Variants in PITPNM2 observed in about 807,000 individuals in gnomAD.
PITPNM2 encodes the protein phosphatidylinositol transfer protein membrane associated 2, also known as membrane-associated phosphatidylinositol transfer protein 2.
Under a neutral mutation model 132.2 loss-of-function variants are expected in PITPNM2, and 35 were observed. That is an observed-to-expected ratio of 0.26 (90% confidence interval 0.20 to 0.35). The LOEUF is 0.35. Among genes scored for constraint, PITPNM2 ranks in the 10% least tolerant of loss-of-function variants. The pLI is 1.00. For missense variants in PITPNM2, 1,332 were observed against 1,912.0 expected (o/e 0.70, Z 5.66); for synonymous variants, 738 against 799.2 (o/e 0.92, Z 1.29).
intron 2 of PITPNM2, among the ~76,000 whole-genome samples, chr12:123,071,279 G>A (rs2041614342): frequency 6.6e-6 from 1 of 152,226 alleles, no homozygotes; most frequent in Admixed American, 6.5e-5. Context: ...TGGGTCCAGG[G>A]GAGGCCCCTC....
At position 123,125,865 on chromosome 12, in the gene PITPNM2, T is replaced by C. The variant is rs1260880373; in HGVS notation, c.-199-15377A>G. On this transcript the variant is annotated intron_variant, in intron 1 of 25. Transcript: ENST00000320201. ...TCAAAAAAAAAAAAAAAAATTAGGG[T>C]TTTTTTTTTTTTTTTTTTTTTTGAG... 3.5e-3 allele frequency among the ~76,000 whole-genome samples: 32 copies of C among 9,168 alleles called. 5 individuals carry two copies. The highest frequency in any genetic ancestry group is 0.012 in the Admixed American group (3 of 252). 6.0% of individuals were successfully genotyped at this position (9,168 alleles called of 152,430 possible).
At chr12:123,087,316 A>G (rs2042139545) in intron 2 of PITPNM2, 1 of 151,478 alleles carries the variant, frequency 6.6e-6, no homozygotes, top group African/African-American at 2.4e-5. Flanking sequence ...CAGTGGCGCG[A>G]TCTCGACTCA....
chr12:123,079,493 C>T (rs2041893535), intron 2 of PITPNM2, among the ~76,000 whole-genome samples: 1 of 151,174 alleles, frequency 6.6e-6, no homozygotes, highest in South Asian at 2.1e-4. Flanking sequence ...ATTATAGGCG[C>T]CCACCACCAC....
At chr12:123,007,237 G>T (rs769786044) in intron 6 of PITPNM2, among the ~76,000 whole-genome samples, 1 of 152,164 alleles carries the variant, frequency 6.6e-6, no homozygotes, top group Admixed American at 6.5e-5. Flanking sequence ...GGATGCACGC[G>T]TGGGGGCTTT....
At chr12:123,032,485 C>T (rs1285209101) in intron 3 of PITPNM2, among the ~76,000 whole-genome samples, 3 of 151,844 alleles carry the variant, frequency 2.0e-5, no homozygotes, top group Non-Finnish European at 2.9e-5. Flanking sequence ...CAAAAACAAA[C>T]AAACAAACAA....
At position 123,082,310 on chromosome 12, in the gene PITPNM2, C is replaced by T. The variant is rs1043571801; in HGVS notation, c.-96+28075G>A. 6.6e-6 allele frequency among the ~76,000 whole-genome samples: 1 copy of T among 152,220 alleles called. No individual in the cohort carries two copies. The highest frequency in any genetic ancestry group is 1.5e-5 in the Non-Finnish European group (1 of 68,034). ...TGTAAAACTTGGCCCTGACTCTAAC[C>T]CTGGCATTCCTCTGACCCTTTCTAA... On this transcript the variant is annotated intron_variant, in intron 2 of 25. Transcript: ENST00000320201. This position sits in a 1 kb window ranked among gnomAD's most constrained non-coding sequence, Gnocchi z 5.4.
At chr12:123,076,991 C>T (rs116463464) in intron 2 of PITPNM2, among the ~76,000 whole-genome samples, 2 of 152,116 alleles carry the variant, frequency 1.3e-5, no homozygotes, top group African/African-American at 2.4e-5. Flanking sequence ...TGTGTCTCCC[C>T]GGGCTGCGCT....
chr12:123,116,316 A>G (rs559058500), intron 1 of PITPNM2, among the ~76,000 whole-genome samples: 1 of 152,326 alleles, frequency 6.6e-6, no homozygotes, highest in South Asian at 2.1e-4. Flanking sequence ...GATAAACAAA[A>G]TGTAGTCTAT....
Position 123,005,549 on chromosome 12 carries a change from C to G in PITPNM2, c.644-1G>C. 6.2e-7 allele frequency: 1 copy of G among 1,611,852 alleles called. No individual in the cohort carries two copies. ...GCCCGCACCATCACCCTCCGTAGTCCTGTGCCCCATGGGGATCAGAGAGGG... is the reference window on the plus strand; with the variant it reads ...GCCCGCACCATCACCCTCCGTAGTCGTGTGCCCCATGGGGATCAGAGAGGG... On this transcript the variant is annotated splice_acceptor_variant, in intron 6 of 25. Coordinates refer to ENST00000320201, the MANE Select transcript of PITPNM2 (RefSeq NM_020845.3). LOFTEE classifies it high-confidence loss of function. This position sits in a 1 kb window ranked among gnomAD's most constrained non-coding sequence, Gnocchi z 6.2.
intron 2 of PITPNM2, among the ~76,000 whole-genome samples, chr12:123,072,651 T>C (rs2041650783): frequency 6.6e-6 from 1 of 152,206 alleles, no homozygotes; most frequent in Non-Finnish European, 1.5e-5. Flanking sequence ...ACTCTCAGAC[T>C]CCAGGCCTAG....
chr12:123,136,669 G>A (rs2043388209), intron 1 of PITPNM2, among the ~76,000 whole-genome samples: 1 of 151,676 alleles, frequency 6.6e-6, no homozygotes, highest in Non-Finnish European at 1.5e-5. Flanking sequence ...AGGCTGAGGT[G>A]GGTGGATCAC....
intron 1 of PITPNM2, among the ~76,000 whole-genome samples, chr12:123,148,278 C>T (rs1483021728): frequency 6.6e-6 from 1 of 152,172 alleles, no homozygotes; most frequent in Non-Finnish European, 1.5e-5. Context: ...CTCATCTAAG[C>T]GAAGTTGAGA....
intron 3 of PITPNM2, among the ~76,000 whole-genome samples, chr12:123,018,008 CT>C (rs1592947071): frequency 7.3e-6 from 1 of 136,570 alleles, no homozygotes; most frequent in East Asian, 2.1e-4. Flanking sequence ...TCCTTCCTTC[CT>C]TCCTTCCTTC....
chr12:122,994,230 TC>T lies in PITPNM2; in HGVS notation c.2233+570del, dbSNP rs1424625176. 6.6e-6 allele frequency among the ~76,000 whole-genome samples: 1 copy of T among 152,212 alleles called. No homozygotes were observed. Among genetic ancestry groups the T allele is most frequent in the Non-Finnish European group, 1.5e-5 (1 of 68,044 alleles). Reference sequence around the variant, plus strand: ...ATCTAAACCTCTCTGAGCCTCAGTTTCCCCCTCTGTCATCTGGGAGTGTAAC... The same window carrying T: ...ATCTAAACCTCTCTGAGCCTCAGTTTCCCCTCTGTCATCTGGGAGTGTAAC... On this transcript the variant is annotated intron_variant, in intron 15 of 25. Transcript: ENST00000320201. This position sits in a 1 kb window ranked among gnomAD's most constrained non-coding sequence, Gnocchi z 5.4.
chr12:123,034,092 C>T lies in PITPNM2; in HGVS notation c.78+421G>A, dbSNP rs115580102. Among the ~76,000 whole-genome samples the T allele has an allele frequency of 3.7e-3, 566 of 152,276 alleles. 4 individuals are homozygous for T. Among genetic ancestry groups the T allele is most frequent in the African/African-American group, 0.013 (533 of 41,546 alleles). ...CAGGAAGAGGGCCCTCACCAGAAAC[C>T]GCACTTGCCAGGCCTTGATCTGGGA... On this transcript the variant is annotated intron_variant, in intron 3 of 25. Coordinates refer to ENST00000320201, the MANE Select transcript of PITPNM2 (RefSeq NM_020845.3).
chr12:122,994,792 G>C lies in PITPNM2; in HGVS notation c.2233+9C>G. On this transcript the variant is annotated intron_variant, in intron 15 of 25. Transcript: ENST00000320201. This position sits in a 1 kb window ranked among gnomAD's most constrained non-coding sequence, Gnocchi z 5.4. ...TGTACCCCCCATCCTGCCCCTGCTG[G>C]GCTCTCACCATCCAGGGCTGGGATG... The C allele has an allele frequency of 2.5e-6, 4 of 1,606,850 alleles. No homozygotes were observed. Among genetic ancestry groups the C allele is most frequent in the Non-Finnish European group, 3.4e-6 (4 of 1,178,490 alleles).
intron 2 of PITPNM2, among the ~76,000 whole-genome samples, chr12:123,096,120 C>T (rs1486247797): frequency 6.6e-6 from 1 of 152,210 alleles, no homozygotes; most frequent in Admixed American, 6.5e-5. Flanking sequence ...CCCCTGAAGC[C>T]CTAAAGCACC....
intron 2 of PITPNM2, among the ~76,000 whole-genome samples, chr12:123,103,434 T>C (rs1340569183): frequency 3.9e-5 from 6 of 152,228 alleles, no homozygotes; most frequent in Non-Finnish European, 8.8e-5. Flanking sequence ...TCGTCAAGAC[T>C]GCAGCCCAGC....
chr12:122,998,272 G>A (rs1056561235), intron 10 of PITPNM2, among the ~76,000 whole-genome samples: 4 of 152,200 alleles, frequency 2.6e-5, no homozygotes, highest in African/African-American at 9.7e-5. Context: ...AGAGGAGGTC[G>A]ATCAGATTTC....
Sources: gnomAD v4.1 joint callset for allele counts (sites outside exome capture counted in the v4.1 genomes callset) on GRCh38, gnomAD v4.1.1 for gene constraint, Gnocchi (gnomAD v3.1) non-coding constraint, MANE v1.5 for transcripts, NCBI Gene and HGNC (gene_info 2026-07-23, HGNC 2026-07-21) for gene names.